The following PCCB variants were observed in gnomAD, a reference collection of about 807,000 sequenced individuals.
The protein encoded by PCCB is propionyl-CoA carboxylase subunit beta, also known as propionyl-CoA carboxylase beta chain, mitochondrial.
Under a neutral mutation model 60.7 loss-of-function variants are expected in PCCB, and 43 were observed. That is an observed-to-expected ratio of 0.71 (90% CI 0.55 to 0.91). PCCB has a LOEUF of 0.91. Ranked by LOEUF, PCCB falls within the 40% of genes least tolerant of loss-of-function variation. PCCB has a pLI of 0.00. For missense variants in PCCB, 766 were observed against 702.8 expected (o/e 1.09, Z -1.02); for synonymous variants, 276 against 255.9 (o/e 1.08, Z -0.75).
chr3:136,293,659 A>G (rs1933801986), intron 6 of PCCB, 97 bp from the exon 7 acceptor site: 3 of 821,632 alleles, frequency 3.7e-6, no homozygotes, highest in Non-Finnish European at 2.1e-6. Context: ...CCACGTCACT[A>G]TCTTCTCTGC....
At chr3:136,326,101 C>T (rs536683375) in intron 10 of PCCB, among the ~76,000 whole-genome samples, 9 of 152,178 alleles carry the variant, frequency 5.9e-5, no homozygotes, top group Non-Finnish European at 8.8e-5. Context: ...CATGAGCCAC[C>T]GCGCCTGGCC....
At chr3:136,274,056 T>C (rs1164141890) in intron 5 of PCCB, among the ~76,000 whole-genome samples, 2 of 151,990 alleles carry the variant, frequency 1.3e-5, no homozygotes, top group South Asian at 2.1e-4. Flanking sequence ...ACAGCAGATA[T>C]TTGGTTTGTG....
In PCCB at chr3:136,307,666, C is replaced by G. The variant is rs76777131; in HGVS notation, c.966+6555C>G. On this transcript the variant is annotated intron_variant, in intron 9 of 14. Coordinates refer to ENST00000251654, the MANE Select transcript of PCCB (RefSeq NM_000532.5). Reference sequence around the variant, plus strand: ...GGTAAAAGACAATAAATATAGAATACATAGTAATTATAAAAAATAATATGA... The same window carrying G: ...GGTAAAAGACAATAAATATAGAATAGATAGTAATTATAAAAAATAATATGA... Among the ~76,000 whole-genome samples, 18 of 151,996 alleles carry G rather than the reference C, an allele frequency of 1.2e-4. No homozygotes were observed. The East Asian group carries it at 2.3e-3, about 20-fold the overall frequency.
At chr3:136,305,759 AAAG>A (rs1375140433) in intron 9 of PCCB, among the ~76,000 whole-genome samples, 2 of 119,784 alleles carry the variant, frequency 1.7e-5, no homozygotes, top group African/African-American at 5.0e-5. Flanking sequence ...AAAAAAAAAA[AAAG>A]AAAGAAAAAA....
intron 3 of PCCB, among the ~76,000 whole-genome samples, chr3:136,257,620 G>A (rs1030405605): frequency 1.3e-5 from 2 of 152,104 alleles, no homozygotes; most frequent in Non-Finnish European, 1.5e-5. Flanking sequence ...AAATGCTTAG[G>A]TCTTTTTACA....
At chr3:136,284,595 A>G (rs929461988) in intron 6 of PCCB, among the ~76,000 whole-genome samples, 3 of 152,162 alleles carry the variant, frequency 2.0e-5, no homozygotes, top group Non-Finnish European at 4.4e-5. Context: ...GGGGGGAAAA[A>G]GTAGTGATAG....
chr3:136,288,385 A>C (rs1164073891), intron 6 of PCCB, among the ~76,000 whole-genome samples: 1 of 151,658 alleles, frequency 6.6e-6, no homozygotes, highest in Non-Finnish European at 1.5e-5. Context: ...TCCCCCTCTC[A>C]CCCAGGCTGG....
rs1422106768 is a variant in PCCB at position 136,270,160 on chromosome 3, T to G, written c.543+8095T>G. ...TGTTCTTTATTCTAATGATATGGTA[T>G]GTAACATTACTGGTTTTTAGAATGT... On this transcript the variant is annotated intron_variant, in intron 5 of 14. Coordinates refer to ENST00000251654, the MANE Select transcript of PCCB (RefSeq NM_000532.5). Among the ~76,000 whole-genome samples the G allele has an allele frequency of 3.9e-5, 6 of 152,308 alleles. No individual in the cohort carries two copies. In the South Asian group the frequency reaches 1.2e-3, roughly 32 times the overall value.
At chr3:136,265,889 G>A (rs1040599287) in intron 5 of PCCB, among the ~76,000 whole-genome samples, 48 of 149,218 alleles carry the variant, frequency 3.2e-4, no homozygotes, top group African/African-American at 1.1e-3. Context: ...GCAGTGGTGC[G>A]ATCTCGGCTC....
At chr3:136,260,680 A>C in intron 4 of PCCB, 145 bp downstream of exon 4, 2 of 719,138 alleles carry the variant, frequency 2.8e-6, no homozygotes, top group Non-Finnish European at 4.9e-6. Context: ...GAAGGGGTGC[A>C]TAACAATTTT....
intron 8 of PCCB, among the ~76,000 whole-genome samples, chr3:136,299,156 C>G (rs1278219741): frequency 6.6e-6 from 1 of 151,982 alleles, no homozygotes; most frequent in Non-Finnish European, 1.5e-5. Flanking sequence ...TTTGGCCCAG[C>G]TATACCTCTT....
rs879166290 is a variant in PCCB, at chr3:136,301,228, C to T, written c.966+117C>T. On this transcript the variant is annotated intron_variant, in intron 9 of 14. Coordinates refer to ENST00000251654, the MANE Select transcript of PCCB (RefSeq NM_000532.5). ...GGCCTCCATGTCAGACAGCACAGGTCGGGAATAGGGTGGGCACAGGACCAG... is the reference window on the plus strand; with the variant it reads ...GGCCTCCATGTCAGACAGCACAGGTTGGGAATAGGGTGGGCACAGGACCAG... 5.9e-5 allele frequency: 47 copies of T among 800,524 alleles called. 1 individual carries two copies. The highest frequency in any genetic ancestry group is 2.8e-4 in the South Asian group (20 of 70,748). The allele number at this position is 800,524 out of a possible 1,614,324, so 49.6% of individuals were successfully genotyped here.
In PCCB at chr3:136,303,894, G is replaced by A. The variant is rs559222158; in HGVS notation, c.966+2783G>A. On this transcript the variant is annotated intron_variant, in intron 9 of 14. Coordinates refer to ENST00000251654, the MANE Select transcript of PCCB (RefSeq NM_000532.5). ...GCTGGGATTACAGGTGTGAGCCACC[G>A]TGCCTGGCCTGTATTTGCTTTATGT... is the stretch of plus-strand genomic sequence containing the variant. 4.1e-5 allele frequency among the ~76,000 whole-genome samples: 5 copies of A among 122,646 alleles called. 2 individuals carry two copies. Among genetic ancestry groups the A allele is most frequent in the East Asian group, 1.2e-3 (2 of 1,686 alleles). The allele number at this position is 122,646 out of a possible 152,430, so 80.5% of individuals were successfully genotyped here.
chr3:136,311,631 A>G (rs566863814), intron 9 of PCCB, among the ~76,000 whole-genome samples: 104 of 152,178 alleles, frequency 6.8e-4, no homozygotes, highest in Non-Finnish European at 1.3e-3. Flanking sequence ...TGAGCCCCCA[A>G]GCCCAGCCCA....
intron 7 of PCCB, among the ~76,000 whole-genome samples, chr3:136,296,187 A>G (rs1933930295): frequency 6.6e-6 from 1 of 152,342 alleles, no homozygotes; most frequent in South Asian, 2.1e-4. Context: ...TTGGATAATT[A>G]TTACCACAAT....
intron 11 of PCCB, 98 bp from the exon 12 acceptor site, chr3:136,327,057 A>G (rs1935343763): frequency 8.1e-7 from 1 of 1,227,394 alleles, no homozygotes. Context: ...TGTGTAAGGA[A>G]TGGCCCTCTC....
At chr3:136,254,357 T>G (rs1941606883) in intron 1 of PCCB, among the ~76,000 whole-genome samples, 1 of 151,380 alleles carries the variant, frequency 6.6e-6, no homozygotes, top group African/African-American at 2.4e-5. Flanking sequence ...TAGCTGGGAC[T>G]ACAGGTGGGT....
At chr3:136,293,962 G>A in intron 7 of PCCB, 98 bp downstream of exon 7, 1 of 759,696 alleles carries the variant, frequency 1.3e-6, no homozygotes, top group Admixed American at 1.8e-5. Flanking sequence ...TTACTTAATT[G>A]GCAGACCTTA....
At chr3:136,283,050 G>A (rs545116540) in intron 5 of PCCB, among the ~76,000 whole-genome samples, 4 of 152,296 alleles carry the variant, frequency 2.6e-5, no homozygotes, top group Admixed American at 2.6e-4. Context: ...TTTGCAGAAA[G>A]CATAGATTAC....
Sources: allele counts gnomAD v4.1 joint callset (sites outside exome capture counted in the v4.1 genomes callset), GRCh38; gene constraint gnomAD v4.1.1; transcripts MANE v1.5; gene names NCBI Gene and HGNC (gene_info 2026-07-23, HGNC 2026-07-21).